Variants in KLF12 observed in about 807,000 individuals in gnomAD.
KLF12 encodes the protein KLF transcription factor 12, also known as Krueppel-like factor 12.
A neutral mutation model predicts 37.8 loss-of-function variants in KLF12; 9 were observed. The ratio of observed to expected loss-of-function variants is 0.24; its 90% CI spans 0.14 to 0.42. The LOEUF (loss-of-function observed/expected upper bound fraction) is 0.42. Among genes scored for constraint, KLF12 ranks in the 10% least tolerant of loss-of-function variants. The probability of loss-of-function intolerance (pLI) is 1.00; values close to 1 mark genes in which losing one functional copy is unlikely to be tolerated. For missense variants in KLF12, 411 were observed against 516.0 expected (o/e 0.80, Z 1.97); for synonymous variants, 208 against 202.1 (o/e 1.03, Z -0.25).
chr13:73,717,015 T>A (rs2137692828), intron 6 of KLF12, among the ~76,000 whole-genome samples: 1 of 152,344 alleles, frequency 6.6e-6, no homozygotes, highest in South Asian at 2.1e-4. Flanking sequence ...GTCAGTGAAC[T>A]TTTGCTGTAA....
At chr13:73,837,549 G>A (rs990244543) in intron 4 of KLF12, among the ~76,000 whole-genome samples, 1 of 152,160 alleles carries the variant, frequency 6.6e-6, no homozygotes, top group African/African-American at 2.4e-5. Flanking sequence ...AACTCACAGT[G>A]AAAATTCAAT....
rs530961733 is a variant in KLF12 at position 74,022,376 on chromosome 13, T to C, written c.-31-27323A>G. The stretch of plus-strand genomic sequence containing the variant: ...CCTGCACAAAAATTATCTGTACTTA[T>C]GTCTATACACACACATTAAGTCCCC... On this transcript the variant is annotated intron_variant, in intron 1 of 7. Transcript: ENST00000377669. 2.0e-5 allele frequency among the ~76,000 whole-genome samples: 3 copies of C among 152,270 alleles called. No homozygotes were observed. The East Asian group carries it at 5.8e-4, about 29-fold the overall frequency.
At chr13:73,787,914 G>A (rs1881454121) in intron 5 of KLF12, among the ~76,000 whole-genome samples, 1 of 152,052 alleles carries the variant, frequency 6.6e-6, no homozygotes, top group Non-Finnish European at 1.5e-5. Context: ...AATCTAAAAG[G>A]AAGTCAGGGA....
intron 4 of KLF12, among the ~76,000 whole-genome samples, chr13:73,838,649 T>C (rs1161091062): frequency 6.7e-6 from 1 of 148,712 alleles, no homozygotes; most frequent in African/African-American, 2.5e-5. Flanking sequence ...AAATATGTTT[T>C]GCTAAATGCT....
At chr13:73,935,108 T>C (rs1040202194) in intron 3 of KLF12, among the ~76,000 whole-genome samples, 13 of 151,976 alleles carry the variant, frequency 8.6e-5, no homozygotes, top group Non-Finnish European at 1.9e-4. Context: ...GCCTCTTGAG[T>C]AGCTGGGATT....
At chr13:73,951,221 C>T (rs1048397823) in intron 2 of KLF12, among the ~76,000 whole-genome samples, 7 of 152,196 alleles carry the variant, frequency 4.6e-5, no homozygotes, top group Admixed American at 4.6e-4. Context: ...ATCATTCATA[C>T]ATTGATTCAT....
chr13:74,192,518 T>A, the KLF12 span, among the ~76,000 whole-genome samples: 1,654 of 152,312 alleles, frequency 0.011, 37 homozygotes, highest in African/African-American at 0.038. Flanking sequence ...TTTATGCATA[T>A]TTATTATGCT....
At chr13:74,026,952 G>C (rs920410623) in intron 1 of KLF12, among the ~76,000 whole-genome samples, 2 of 152,124 alleles carry the variant, frequency 1.3e-5, no homozygotes, top group African/African-American at 4.8e-5. Flanking sequence ...TCAGGGGCCT[G>C]CCTTTGGTTT....
At chr13:74,305,357 C>A in the KLF12 span, among the ~76,000 whole-genome samples, 2 of 152,184 alleles carry the variant, frequency 1.3e-5, no homozygotes, top group South Asian at 4.1e-4. Flanking sequence ...CTGAAACTGA[C>A]TTATTTACTG....
At chr13:74,286,213 GA>G in the KLF12 span, among the ~76,000 whole-genome samples, 2 of 151,808 alleles carry the variant, frequency 1.3e-5, no homozygotes, top group African/African-American at 4.8e-5. Context: ...TTCTTTCTAA[GA>G]GGGTGTGCCA....
At chr13:74,037,047 T>TA (rs1441624750) in intron 1 of KLF12, among the ~76,000 whole-genome samples, 4 of 150,914 alleles carry the variant, frequency 2.7e-5, no homozygotes, top group African/African-American at 7.3e-5. Context: ...CTACTGAAAA[T>TA]AAAAAAATTA....
At chr13:73,998,842 A>T (rs889778475) in intron 1 of KLF12, among the ~76,000 whole-genome samples, 20 of 152,256 alleles carry the variant, frequency 1.3e-4, no homozygotes, top group Non-Finnish European at 2.6e-4. Flanking sequence ...TTCTGGAGAT[A>T]AATGCAAATC....
chr13:73,814,131 T>C (rs953949195), intron 4 of KLF12, among the ~76,000 whole-genome samples: 1 of 152,204 alleles, frequency 6.6e-6, no homozygotes, highest in Non-Finnish European at 1.5e-5. Context: ...TGCCCAGAAT[T>C]TCTATCAGCC....
intron 3 of KLF12, among the ~76,000 whole-genome samples, chr13:73,847,497 T>A (rs1356610206): frequency 1.3e-5 from 2 of 152,146 alleles, no homozygotes; most frequent in African/African-American, 4.8e-5. Flanking sequence ...AAAGCCTTTT[T>A]AAAATAGAAT....
At chr13:73,910,587 G>A (rs1888521878) in intron 3 of KLF12, among the ~76,000 whole-genome samples, 1 of 152,174 alleles carries the variant, frequency 6.6e-6, no homozygotes, top group Non-Finnish European at 1.5e-5. Flanking sequence ...GGGTAGGAGA[G>A]AGAGAATGGT....
At chr13:74,179,570 T>C in the KLF12 span, among the ~76,000 whole-genome samples, 1 of 152,220 alleles carries the variant, frequency 6.6e-6, no homozygotes, top group African/African-American at 2.4e-5. Context: ...GAAAAGATTT[T>C]TACCCATTTG....
At chr13:74,167,406 C>T in the KLF12 span, among the ~76,000 whole-genome samples, 231 of 152,264 alleles carry the variant, frequency 1.5e-3, 2 homozygotes, top group African/African-American at 4.2e-3. Context: ...TTTTCCTAGA[C>T]GCTGTTTCTA....
chr13:73,839,774 C>CT (rs1884645447), intron 4 of KLF12, among the ~76,000 whole-genome samples: 1 of 152,062 alleles, frequency 6.6e-6, no homozygotes, highest in Non-Finnish European at 1.5e-5. Context: ...ATTCTAAAGT[C>CT]TATTTATTAT....
intron 3 of KLF12, among the ~76,000 whole-genome samples, chr13:73,907,967 C>T (rs529937115): frequency 6.6e-6 from 1 of 152,282 alleles, no homozygotes; most frequent in South Asian, 2.1e-4. Flanking sequence ...AAACACACTC[C>T]TCCTTCAGGT....
Sources: allele counts gnomAD v4.1 joint callset (sites outside exome capture counted in the v4.1 genomes callset), GRCh38; gene constraint gnomAD v4.1.1; transcripts MANE v1.5; gene names NCBI Gene and HGNC (gene_info 2026-07-23, HGNC 2026-07-21).